Variants in PPP2R2C observed in about 807,000 individuals in gnomAD.
The protein encoded by PPP2R2C is protein phosphatase 2 regulatory subunit Bgamma.
PPP2R2C carries 10 observed loss-of-function variants against 45.3 expected under a neutral mutation model. The ratio of observed to expected loss-of-function variants is 0.22; its 90% CI spans 0.14 to 0.37. PPP2R2C has a LOEUF of 0.37. Among genes scored for constraint, PPP2R2C ranks in the 10% least tolerant of loss-of-function variants. PPP2R2C has a pLI of 1.00. For synonymous variants in PPP2R2C, 257 were observed against 245.4 expected, an observed-to-expected ratio of 1.05 and a Z score of -0.44; for missense variants, 308 against 619.7, an observed-to-expected ratio of 0.50 and a Z score of 5.34.
At chr4:6,544,139 C>G (rs73796244) in intron 1 of PPP2R2C, among the ~76,000 whole-genome samples, 52 of 152,330 alleles carry the variant, frequency 3.4e-4, no homozygotes, top group African/African-American at 1.2e-3. Flanking sequence ...TGGTCCAAGG[C>G]TGAGCTTGGC....
At chr4:6,432,226 C>T (rs2109411994) in intron 1 of PPP2R2C, among the ~76,000 whole-genome samples, 1 of 152,272 alleles carries the variant, frequency 6.6e-6, no homozygotes, top group African/African-American at 2.4e-5. Context: ...CCTACCTGTC[C>T]CCACCCTCCC....
chr4:6,502,940 C>T (rs1230186877), intron 2 of PPP2R2C, among the ~76,000 whole-genome samples: 3 of 152,084 alleles, frequency 2.0e-5, no homozygotes, highest in African/African-American at 7.2e-5. Context: ...CCACCTGCAC[C>T]CCTCCCCTCT....
rs979536042 is a variant in PPP2R2C at position 6,329,194 on chromosome 4, C to T, written c.1052+68G>A. ...ATGCTGCGGGTCACCGGAATCCCAGCCCAGACCCCTGCAGGGCAGAAACCC... is the reference window on the plus strand; with the variant it reads ...ATGCTGCGGGTCACCGGAATCCCAGTCCAGACCCCTGCAGGGCAGAAACCC... On this transcript the variant is annotated intron_variant, in intron 8 of 8. Transcript: ENST00000382599. The surrounding 1 kb of genome is among the most constrained non-coding windows in gnomAD (Gnocchi z 5.8). 3 of 1,486,004 alleles carry T rather than the reference C, an allele frequency of 2.0e-6. No homozygotes were observed. In the South Asian group the frequency reaches 3.5e-5, roughly 17 times the overall value. 92.1% of individuals were successfully genotyped at this position (1,486,004 alleles called of 1,614,324 possible).
chr4:6,370,236 C>G (rs1390478516), intron 5 of PPP2R2C, among the ~76,000 whole-genome samples: 1 of 152,226 alleles, frequency 6.6e-6, no homozygotes, highest in Admixed American at 6.5e-5. Context: ...GGACTCTGGG[C>G]CAGTCCCTCA....
intron 1 of PPP2R2C, among the ~76,000 whole-genome samples, chr4:6,456,671 G>C (rs1364984264): frequency 6.6e-6 from 1 of 152,204 alleles, no homozygotes; most frequent in Non-Finnish European, 1.5e-5. Flanking sequence ...CGCAGTGGAG[G>C]GGGAGCTCTG....
At chr4:6,535,046 G>A (rs1414989782) in intron 2 of PPP2R2C, among the ~76,000 whole-genome samples, 1 of 152,236 alleles carries the variant, frequency 6.6e-6, no homozygotes, top group East Asian at 1.9e-4. Flanking sequence ...CCATCGGCCT[G>A]GGAGACAGGG....
intron 1 of PPP2R2C, among the ~76,000 whole-genome samples, chr4:6,428,459 A>G (rs1027211839): frequency 3.9e-5 from 6 of 152,242 alleles, no homozygotes; most frequent in East Asian, 1.9e-4. Context: ...GATATAGCAC[A>G]GTCCGGGAGC....
intron 2 of PPP2R2C, among the ~76,000 whole-genome samples, chr4:6,519,409 TA>T (rs776210169): frequency 8.5e-4 from 129 of 152,174 alleles, no homozygotes; most frequent in Admixed American, 3.5e-3. Context: ...CAGAGAAAGC[TA>T]AAACCCTAAA....
At chr4:6,558,917 CCT>C (rs1414027587) in intron 1 of PPP2R2C, among the ~76,000 whole-genome samples, 1 of 152,154 alleles carries the variant, frequency 6.6e-6, no homozygotes, top group Non-Finnish European at 1.5e-5. Flanking sequence ...GACCTTGCAC[CCT>C]CACAGGTGCC....
chr4:6,533,380 C>T (rs1474967800), intron 2 of PPP2R2C, among the ~76,000 whole-genome samples: 4 of 152,170 alleles, frequency 2.6e-5, no homozygotes, highest in African/African-American at 9.7e-5. Context: ...GGTCTTTCTC[C>T]AGCAGAGAAG....
At position 6,372,112 on chromosome 4, in the gene PPP2R2C, G is replaced by C. The variant is rs376475725; in HGVS notation, c.625+411C>G. Among the ~76,000 whole-genome samples the C allele has an allele frequency of 1.1e-4, 17 of 152,326 alleles. No individual in the cohort carries two copies. The South Asian group carries it at 3.3e-3, about 30-fold the overall frequency. On this transcript the variant is annotated intron_variant, in intron 5 of 8. Coordinates refer to ENST00000382599, the MANE Select transcript of PPP2R2C (RefSeq NM_020416.4). ...AAGCCCTGGCCGGGGCCCCAGTGCT[G>C]GTCCTCCTATGCTAACACAGCCTGC...
rs62635969 is a variant in PPP2R2C at position 6,511,534 on chromosome 4, G to A, written c.49+23737C>T. On this transcript the variant is annotated intron_variant, in intron 2 of 9. Transcript: ENST00000506140. Reference sequence around the variant, plus strand: ...GGTGGTGGTGGTGGTGATGGTGGTGGTGGTGGTGGTGATGGTGGTGGTGGT... The same window carrying A: ...GGTGGTGGTGGTGGTGATGGTGGTGATGGTGGTGGTGATGGTGGTGGTGGT... Among the ~76,000 whole-genome samples the A allele has an allele frequency of 9.2e-3, 165 of 17,950 alleles. 17 individuals carry two copies. Among genetic ancestry groups the A allele is most frequent in the Non-Finnish European group, 0.021 (102 of 4,954 alleles). The allele number at this position is 17,950 out of a possible 152,430, so 11.8% of individuals were successfully genotyped here.
At chr4:6,447,007 G>A (rs754666986) in intron 1 of PPP2R2C, among the ~76,000 whole-genome samples, 5 of 152,114 alleles carry the variant, frequency 3.3e-5, no homozygotes, top group Admixed American at 6.5e-5. Context: ...GAGCAACAGC[G>A]GCTCAAAGCA....
chr4:6,560,149 G>A (rs199558250), intron 1 of PPP2R2C, among the ~76,000 whole-genome samples: 2 of 152,314 alleles, frequency 1.3e-5, no homozygotes, highest in South Asian at 4.1e-4. Flanking sequence ...GGGCAGGGGT[G>A]CCCCAGGGCA....
chr4:6,400,658 G>A (rs577911763), intron 1 of PPP2R2C, among the ~76,000 whole-genome samples: 14 of 152,340 alleles, frequency 9.2e-5, no homozygotes, highest in Admixed American at 3.9e-4. Context: ...TAACTAAGGC[G>A]TCTATTGATG....
intron 5 of PPP2R2C, 81 bp downstream of exon 5, chr4:6,372,442 C>A (rs1714912678): frequency 2.0e-6 from 3 of 1,466,474 alleles, no homozygotes; most frequent in Non-Finnish European, 2.8e-6. Context: ...AACCAGCTGT[C>A]TGCCAATCAA....
Position 6,378,707 on chromosome 4 carries a change from G to A in PPP2R2C, c.169-135C>T. On this transcript the variant is annotated intron_variant, in intron 2 of 8. Transcript: ENST00000382599. The surrounding 1 kb of genome is among the most constrained non-coding windows in gnomAD (Gnocchi z 5.2). ...CAGGGATCCAATTCGAGGGTCAAAT[G>A]AAACTCTCTGCAGCTTAACCGGCCC... 1.1e-6 allele frequency: 1 copy of A among 941,170 alleles called. No individual in the cohort carries two copies. The highest frequency in any genetic ancestry group is 1.6e-6 in the Non-Finnish European group (1 of 623,258). 58.3% of individuals were successfully genotyped at this position (941,170 alleles called of 1,614,324 possible).
chr4:6,489,052 G>T (rs1308829199), intron 2 of PPP2R2C, among the ~76,000 whole-genome samples: 1 of 152,068 alleles, frequency 6.6e-6, no homozygotes, highest in Non-Finnish European at 1.5e-5. Context: ...CCATTAGTCT[G>T]CCTGTGAAAT....
intron 1 of PPP2R2C, among the ~76,000 whole-genome samples, chr4:6,446,363 G>A (rs192807173): frequency 1.4e-3 from 211 of 152,134 alleles, no homozygotes; most frequent in African/African-American, 4.9e-3. Flanking sequence ...CACCCCCATC[G>A]AGGCTCATTT....
Sources: allele counts gnomAD v4.1 joint callset (sites outside exome capture counted in the v4.1 genomes callset), GRCh38; gene constraint gnomAD v4.1.1; non-coding constraint Gnocchi (gnomAD v3.1); transcripts MANE v1.5; gene names NCBI Gene and HGNC (gene_info 2026-07-23, HGNC 2026-07-21).